FBXO34: variants seen among roughly 807,000 people sequenced by gnomAD.
FBXO34 encodes F-box only protein 34.
A neutral mutation model predicts 24.5 loss-of-function variants in FBXO34; 12 were observed. The ratio of observed to expected loss-of-function variants is 0.49; its 90% CI spans 0.31 to 0.79. FBXO34 has a LOEUF of 0.79. Among genes scored for constraint, FBXO34 ranks in the 30% least tolerant of loss-of-function variants. FBXO34 has a pLI of 0.04. For synonymous variants in FBXO34, 320 were observed against 311.9 expected (o/e 1.03, Z -0.27); for missense variants, 823 against 857.7 (o/e 0.96, Z 0.51).
At chr14:55,302,471 A>G (rs1241317921) in intron 1 of FBXO34, among the ~76,000 whole-genome samples, 1 of 104,022 alleles carries the variant, frequency 9.6e-6, no homozygotes, top group African/African-American at 3.3e-5. Flanking sequence ...TTTTTTTTTT[A>G]ATTGAGGCAG....
At position 55,331,981 on chromosome 14, in the gene FBXO34, A is replaced by G. The variant is rs146428902; in HGVS notation, c.-10-18400A>G. 2.2e-4 allele frequency among the ~76,000 whole-genome samples: 30 copies of G among 137,214 alleles called. 2 individuals are homozygous for G. Among genetic ancestry groups the G allele is most frequent in the African/African-American group, 8.2e-4 (28 of 34,300 alleles). The allele number at this position is 137,214 out of a possible 152,430, so 90.0% of individuals were successfully genotyped here. Reference sequence around the variant, plus strand: ...ACCACCGTGGTGTATATATAAAAATATATATATACACCACCGTGGTGTATA... The same window carrying G: ...ACCACCGTGGTGTATATATAAAAATGTATATATACACCACCGTGGTGTATA... On this transcript the variant is annotated intron_variant, in intron 1 of 1. Transcript: ENST00000313833.
At chr14:55,365,716 T>C (rs1884663326), downstream of FBXO34, among the ~76,000 whole-genome samples, 1 of 152,150 alleles carries the variant, frequency 6.6e-6, no homozygotes, top group Admixed American at 6.5e-5. Context: ...ACACACCCTG[T>C]TCGAGAACCC....
At chr14:55,417,051 G>A in the FBXO34 span, among the ~76,000 whole-genome samples, 1 of 152,170 alleles carries the variant, frequency 6.6e-6, no homozygotes, top group African/African-American at 2.4e-5. Flanking sequence ...CCTGGGGGGC[G>A]CCCTTTCCCA....
At chr14:55,328,359 C>A (rs1406930175) in intron 1 of FBXO34, among the ~76,000 whole-genome samples, 2 of 152,196 alleles carry the variant, frequency 1.3e-5, no homozygotes, top group African/African-American at 4.8e-5. Flanking sequence ...CATCACTACT[C>A]TTGCGCTTTA....
chr14:55,398,272 C>T, the FBXO34 span, among the ~76,000 whole-genome samples: 1 of 152,000 alleles, frequency 6.6e-6, no homozygotes, highest in African/African-American at 2.4e-5. Context: ...TTCTATTTGC[C>T]AGTTTTCTAT....
At chr14:55,310,958 AT>A (rs1882717946) in intron 1 of FBXO34, among the ~76,000 whole-genome samples, 3 of 132,448 alleles carry the variant, frequency 2.3e-5, no homozygotes, top group African/African-American at 1.2e-4. Context: ...AAAAAAAAAC[AT>A]CCAACCTGAC....
In FBXO34 at chr14:55,284,851, A is replaced by G. The variant is rs186454440; in HGVS notation, c.-11+13314A>G. 1.7e-4 allele frequency among the ~76,000 whole-genome samples: 25 copies of G among 149,884 alleles called. 1 individual carries two copies. The highest frequency in any genetic ancestry group is 2.7e-4 in the Non-Finnish European group (18 of 67,002). On this transcript the variant is annotated intron_variant, in intron 1 of 1. Coordinates refer to ENST00000313833, the MANE Select transcript of FBXO34 (RefSeq NM_017943.4). ...GGCTGGTCTTGAATTCCTGGACTCA[A>G]GTGATCCTCCCTCCTCAGCCTCCCA...
the FBXO34 span, chr14:55,440,690 G>C: frequency 1.6e-4 from 150 of 944,386 alleles, no homozygotes; most frequent in East Asian, 3.0e-3. Flanking sequence ...AGATGGGCTA[G>C]GGGTGGGCCG....
chr14:55,352,688 T>C lies in FBXO34; in HGVS notation c.*162T>C. Reference sequence around the variant, plus strand: ...TTTTCTAAACTCTAAATTTACGAGCTGTACAAAAAAATTGGTCTTGTTGTT... The same window carrying C: ...TTTTCTAAACTCTAAATTTACGAGCCGTACAAAAAAATTGGTCTTGTTGTT... On this transcript the variant is annotated 3_prime_UTR_variant, in exon 2 of 2. Coordinates refer to ENST00000313833, the MANE Select transcript of FBXO34 (RefSeq NM_017943.4). The C allele has an allele frequency of 1.5e-6, 1 of 653,954 alleles. No individual in the cohort carries two copies. The highest frequency in any genetic ancestry group is 2.5e-6 in the Non-Finnish European group (1 of 404,836). 40.5% of individuals were successfully genotyped at this position (653,954 alleles called of 1,614,324 possible). A position where few individuals can be genotyped will look rare whatever the true frequency, so the allele number is the denominator to read the frequency against.
chr14:55,299,448 T>G (rs1424852787), intron 1 of FBXO34, among the ~76,000 whole-genome samples: 1 of 151,718 alleles, frequency 6.6e-6, no homozygotes, highest in Non-Finnish European at 1.5e-5. Flanking sequence ...AAGTGCCTGC[T>G]GTTTATAATG....
At chr14:55,381,431 A>T in the FBXO34 span, among the ~76,000 whole-genome samples, 1 of 152,242 alleles carries the variant, frequency 6.6e-6, no homozygotes, top group Non-Finnish European at 1.5e-5. Flanking sequence ...TACTTCTTTA[A>T]ATAACGTCCT....
At chr14:55,342,480 A>G (rs1225635164) in intron 1 of FBXO34, among the ~76,000 whole-genome samples, 3 of 152,204 alleles carry the variant, frequency 2.0e-5, no homozygotes, top group East Asian at 3.8e-4. Context: ...TCATCCCCCA[A>G]TATTTTGAAA....
chr14:55,386,416 G>C, the FBXO34 span, among the ~76,000 whole-genome samples: 1 of 152,198 alleles, frequency 6.6e-6, no homozygotes, highest in Non-Finnish European at 1.5e-5. Flanking sequence ...CCAAAGAATA[G>C]TCACATTGGG....
At chr14:55,391,078 G>T in the FBXO34 span, 2 of 850,640 alleles carry the variant, frequency 2.4e-6, no homozygotes, top group Non-Finnish European at 3.7e-6. Flanking sequence ...CTTATTTTCA[G>T]ATATGTCAGA....
At chr14:55,397,664 T>C in the FBXO34 span, among the ~76,000 whole-genome samples, 16 of 152,212 alleles carry the variant, frequency 1.1e-4, no homozygotes, top group African/African-American at 3.1e-4. Context: ...TTATAAAATA[T>C]GTCTATAGAT....
At chr14:55,363,949 CTTT>C (rs201533127), downstream of FBXO34, among the ~76,000 whole-genome samples, 16,529 of 147,324 alleles carry the variant, frequency 0.11, 1,240 homozygotes, top group Non-Finnish European at 0.16. Flanking sequence ...TGCCAATTTT[CTTT>C]TTTTTTTTTG....
chr14:55,354,017 C>G (rs1393135080), downstream of FBXO34, among the ~76,000 whole-genome samples: 1 of 152,058 alleles, frequency 6.6e-6, no homozygotes, highest in Non-Finnish European at 1.5e-5. Context: ...GAGTACCCAC[C>G]AAAAAGCCTT....
intron 1 of FBXO34, among the ~76,000 whole-genome samples, chr14:55,290,085 C>A (rs1881892276): frequency 6.6e-6 from 1 of 151,972 alleles, no homozygotes; most frequent in South Asian, 2.1e-4. Context: ...TCTTACTCTC[C>A]TTTTTTTAAA....
chr14:55,323,388 T>A (rs1883232239), intron 1 of FBXO34, among the ~76,000 whole-genome samples: 1 of 143,880 alleles, frequency 7.0e-6, no homozygotes, highest in Non-Finnish European at 1.5e-5. Flanking sequence ...AATTTATTTA[T>A]TTTTTATTTT....
Sources: allele counts gnomAD v4.1 joint callset (sites outside exome capture counted in the v4.1 genomes callset), GRCh38; gene constraint gnomAD v4.1.1; transcripts MANE v1.5; gene names NCBI Gene and HGNC (gene_info 2026-07-23, HGNC 2026-07-21).